Variants in CUL4A observed in about 807,000 individuals in gnomAD.
The protein encoded by CUL4A is cullin-4A.
CUL4A carries 16 observed loss-of-function variants against 95.5 expected under a neutral mutation model. That is an observed-to-expected ratio of 0.17 (90% CI 0.11 to 0.25). CUL4A has a LOEUF of 0.25. Among genes scored for constraint, CUL4A ranks in the 10% least tolerant of loss-of-function variants. The pLI is 1.00. For missense variants in CUL4A, 610 were observed against 937.0 expected (o/e 0.65, Z 4.56); for synonymous variants, 380 against 353.1 (o/e 1.08, Z -0.85).
At position 113,251,424 on chromosome 13, in the gene CUL4A, T is replaced by C. The variant is rs2041991538; in HGVS notation, c.1639-1658T>C. On this transcript the variant is annotated intron_variant, in intron 15 of 19. Transcript: ENST00000375440. ...CACGCTTTCTTTGTCCCAAGATCTT[T>C]AGAAGCCATCCAGAGACACAGGGAA... Among the ~76,000 whole-genome samples, 4 of 152,296 alleles carry C rather than the reference T, an allele frequency of 2.6e-5. No homozygotes were observed. In the South Asian group the frequency reaches 8.3e-4, roughly 32 times the overall value.
chr13:113,232,826 G>A (rs2041403081), intron 5 of CUL4A, among the ~76,000 whole-genome samples: 1 of 152,146 alleles, frequency 6.6e-6, no homozygotes, highest in Non-Finnish European at 1.5e-5. Context: ...GGTGGGGCAG[G>A]CAGGGTCGTG....
chr13:113,230,368 A>C (rs977164728), intron 5 of CUL4A, among the ~76,000 whole-genome samples: 16 of 152,136 alleles, frequency 1.1e-4, no homozygotes, highest in African/African-American at 3.9e-4. Flanking sequence ...CAAATCCAGC[A>C]AGCATTTTTG....
At chr13:113,257,078 C>T (rs993699208) in intron 18 of CUL4A, among the ~76,000 whole-genome samples, 3 of 151,912 alleles carry the variant, frequency 2.0e-5, no homozygotes. Flanking sequence ...GCATGTGCCA[C>T]CACACTCAAC....
intron 3 of CUL4A, among the ~76,000 whole-genome samples, chr13:113,223,569 G>A (rs1041973044): frequency 6.6e-6 from 1 of 152,122 alleles, no homozygotes; most frequent in Admixed American, 6.5e-5. Flanking sequence ...GGCTAATTTT[G>A]TATTTTTAGT....
chr13:113,235,646 A>G (rs572226418), intron 8 of CUL4A, among the ~76,000 whole-genome samples: 1 of 152,268 alleles, frequency 6.6e-6, no homozygotes, highest in East Asian at 1.9e-4. Context: ...GGACAGAGGC[A>G]GAGGGGACAG....
intron 15 of CUL4A, among the ~76,000 whole-genome samples, chr13:113,251,555 G>A (rs1175929139): frequency 6.6e-6 from 1 of 152,226 alleles, no homozygotes; most frequent in South Asian, 2.1e-4. Flanking sequence ...GGTGGGAAGC[G>A]ACCGGATCAT....
At chr13:113,209,882 G>A in intron 1 of CUL4A, 91 bp from the exon 2 acceptor site, 1 of 1,194,714 alleles carries the variant, frequency 8.4e-7, no homozygotes. Context: ...CCCCGGGAGC[G>A]GGGGCGCCGG....
At chr13:113,226,094 C>G (rs115993795) in intron 3 of CUL4A, among the ~76,000 whole-genome samples, 1 of 152,234 alleles carries the variant, frequency 6.6e-6, no homozygotes, top group Middle Eastern at 3.2e-3. Flanking sequence ...TATTCCTCCT[C>G]AGGCTCTGCC....
chr13:113,215,485 T>C (rs896836540), intron 2 of CUL4A, among the ~76,000 whole-genome samples: 2 of 147,688 alleles, frequency 1.4e-5, no homozygotes, highest in Non-Finnish European at 3.0e-5. Context: ...GCTATGTGAC[T>C]ATGGAGGTTG....
At chr13:113,245,302 C>T (rs1007166917) in intron 14 of CUL4A, 65 bp downstream of exon 14, 6 of 1,409,368 alleles carry the variant, frequency 4.3e-6, no homozygotes, top group South Asian at 2.3e-5. Flanking sequence ...TGGCTCATGC[C>T]TGTAATCCCA....
chr13:113,214,373 CTA>C (rs2040567571), intron 2 of CUL4A, among the ~76,000 whole-genome samples: 1 of 152,278 alleles, frequency 6.6e-6, no homozygotes, highest in Admixed American at 6.5e-5. Flanking sequence ...TCTTGTGTCT[CTA>C]TGTTTTAGTC....
At chr13:113,261,874 G>A (rs763905802) in intron 19 of CUL4A, among the ~76,000 whole-genome samples, 6 of 152,096 alleles carry the variant, frequency 3.9e-5, no homozygotes, top group South Asian at 4.1e-4. Context: ...TCTGCCTCTC[G>A]GGTTCAAGCA....
intron 10 of CUL4A, 131 bp downstream of exon 10, chr13:113,239,682 G>A (rs533906521): frequency 3.1e-6 from 2 of 635,596 alleles, no homozygotes; most frequent in South Asian, 4.2e-5. Context: ...TTTCATCACA[G>A]ATGATAGGGT....
intron 3 of CUL4A, among the ~76,000 whole-genome samples, chr13:113,226,454 A>G (rs1044084991): frequency 1.3e-5 from 2 of 152,184 alleles, no homozygotes; most frequent in Non-Finnish European, 2.9e-5. Context: ...GGAGATTTTC[A>G]GTGAGAGTGG....
chr13:113,232,265 C>T (rs1885955), intron 5 of CUL4A, among the ~76,000 whole-genome samples: 285 of 3,664 alleles, frequency 0.078, 96 homozygotes, highest in Non-Finnish European at 0.33. Context: ...CACCACTACC[C>T]GCCCACCACT....
chr13:113,208,893 A>G (rs143182963), upstream of CUL4A: 42 of 1,391,984 alleles, frequency 3.0e-5, no homozygotes, highest in Non-Finnish European at 3.9e-5. Context: ...GCCCGGGCTG[A>G]GGGGTTTGGG....
chr13:113,233,771 G>A (rs2041445978), intron 6 of CUL4A, 126 bp from the exon 7 acceptor site: 1 of 691,434 alleles, frequency 1.4e-6, no homozygotes, highest in African/African-American at 1.8e-5. Flanking sequence ...CCGGCCGGCT[G>A]GGTGGCCACA....
intron 19 of CUL4A, 24 bp from the exon 20 acceptor site, chr13:113,263,463 G>A (rs1339823037): frequency 2.0e-6 from 3 of 1,465,934 alleles, no homozygotes; most frequent in Admixed American, 1.8e-5. Context: ...TTGTAATTAG[G>A]GGGGTTTTAT....
At chr13:113,245,122 C>G (rs746293781) in intron 13 of CUL4A, 30 bp from the exon 14 acceptor site, 1 of 1,612,440 alleles carries the variant, frequency 6.2e-7, no homozygotes, top group South Asian at 1.1e-5. Context: ...TGTGTTACCC[C>G]GATCTCACTC....
Sources: allele counts gnomAD v4.1 joint callset (sites outside exome capture counted in the v4.1 genomes callset), GRCh38; gene constraint gnomAD v4.1.1; transcripts MANE v1.5; gene names NCBI Gene and HGNC (gene_info 2026-07-23, HGNC 2026-07-21).